The following GDF5 variants were observed in gnomAD, a reference collection of about 807,000 sequenced individuals.
The protein encoded by GDF5 is growth/differentiation factor 5.
A neutral mutation model predicts 34.6 loss-of-function variants in GDF5; 17 were observed. The observed-to-expected ratio is 0.49, with a 90% CI of 0.34 to 0.74. The LOEUF is 0.74. GDF5 is among the 30% of genes least tolerant of loss of function. The pLI is 0.01. For synonymous variants in GDF5, 332 were observed against 290.7 expected (o/e 1.14, Z -1.44); for missense variants, 616 against 661.2 (o/e 0.93, Z 0.75).
chr20:35,433,866 G>A lies in GDF5; in HGVS notation c.*43C>T. Reference sequence around the variant, plus strand: ...TGTGATTCCAGGAGTGCAGGAAGGGGCTCTTGGGATGTGCCACCCAGGAAG... The same window carrying A: ...TGTGATTCCAGGAGTGCAGGAAGGGACTCTTGGGATGTGCCACCCAGGAAG... On this transcript the variant is annotated 3_prime_UTR_variant, in exon 2 of 2. Transcript: ENST00000374369. The A allele has an allele frequency of 6.5e-7, 1 of 1,540,550 alleles. No homozygotes were observed. The highest frequency in any genetic ancestry group is 1.1e-5 in the South Asian group (1 of 89,304).
intron 1 of GDF5, among the ~76,000 whole-genome samples, chr20:35,448,279 T>C (rs2062519850): frequency 6.6e-6 from 1 of 151,598 alleles, no homozygotes; most frequent in Non-Finnish European, 1.5e-5. Context: ...GTTATCCCCA[T>C]ATTGCAGCTG....
At chr20:35,436,725 AAGG>A (rs1161474714) in intron 1 of GDF5, among the ~76,000 whole-genome samples, 3 of 152,116 alleles carry the variant, frequency 2.0e-5, no homozygotes, top group Non-Finnish European at 4.4e-5. Flanking sequence ...CCCAAGTGAG[AAGG>A]AGCTTTCCCA....
upstream of GDF5, among the ~76,000 whole-genome samples, chr20:35,439,883 A>G (rs2062492015): frequency 6.7e-6 from 1 of 149,434 alleles, no homozygotes; most frequent in African/African-American, 2.5e-5. Context: ...GGCGGGGGAG[A>G]AGCAATAGTC....
chr20:35,442,403 T>G (rs192073484), upstream of GDF5, among the ~76,000 whole-genome samples: 4 of 152,128 alleles, frequency 2.6e-5, 1 homozygote, highest in African/African-American at 4.8e-5. Flanking sequence ...AAAAGCATTT[T>G]GTAAGCTCAG....
chr20:35,439,016 A>G (rs2062488319), upstream of GDF5, among the ~76,000 whole-genome samples: 1 of 151,222 alleles, frequency 6.6e-6, no homozygotes, highest in Admixed American at 6.6e-5. Context: ...TGCCCACTAC[A>G]CCCCCTCCCT....
intron 1 of GDF5, among the ~76,000 whole-genome samples, chr20:35,451,060 A>ATAT (rs1176097235): frequency 1.5e-5 from 1 of 68,932 alleles, no homozygotes; most frequent in African/African-American, 7.4e-5. Flanking sequence ...AAAAAAAAAA[A>ATAT]AAAAATATAT....
Position 35,433,881 on chromosome 20 carries a change from C to T in GDF5, c.*28G>A, listed in dbSNP as rs199848946. The T allele has an allele frequency of 1.4e-5, 22 of 1,598,202 alleles. No homozygotes were observed. The highest frequency in any genetic ancestry group is 1.8e-5 in the Non-Finnish European group (21 of 1,165,682). On this transcript the variant is annotated 3_prime_UTR_variant, in exon 2 of 2. Coordinates refer to ENST00000374369, the MANE Select transcript of GDF5 (RefSeq NM_000557.5). ...GCAGGAAGGGGCTCTTGGGATGTGC[C>T]ACCCAGGAAGACAGAGGGCCAGTGC...
rs2062455122 is a variant in GDF5 at position 35,433,955 on chromosome 20, T to C, written c.1460A>G (p.Tyr487Cys). 4 of 1,614,084 alleles carry C rather than the reference T, an allele frequency of 2.5e-6. No homozygotes were observed. The highest frequency in any genetic ancestry group is 1.6e-4 in the Middle Eastern group (1 of 6,062). Residue 487 changes from tyrosine (Y) to cysteine (C), a missense_variant, in exon 2 of 2, where the codon TAT becomes TGT. By Grantham distance (194) the Tyr-to-Cys change is radical (BLOSUM62 -2). Transcript: ENST00000374369. ...CACGACCATGTCCTCATACTGCTTATACACCACGTTGTTGGCAGAGTCAAT... is the reference window on the plus strand; with the variant it reads ...CACGACCATGTCCTCATACTGCTTACACACCACGTTGTTGGCAGAGTCAAT... ...LFIDSANNVV[Y>C]KQYEDMVVES...
intron 1 of GDF5, chr20:35,435,203 C>A: frequency 2.5e-6 from 1 of 393,510 alleles, no homozygotes; most frequent in Non-Finnish European, 4.8e-6. Context: ...GCAATCCCAG[C>A]ACTTTGGGAG....
rs1271554433 is a variant in GDF5 at position 35,448,414 on chromosome 20, AT to A, written c.-398+6225del. Among the ~76,000 whole-genome samples the A allele has an allele frequency of 1.8e-3, 199 of 110,412 alleles. 1 individual carries two copies. The highest frequency in any genetic ancestry group is 5.2e-3 in the South Asian group (19 of 3,628). The allele number at this position is 110,412 out of a possible 152,430, so 72.4% of individuals were successfully genotyped here. ...GTTTTTTTCAAAAAAAAAAAAAAAA[AT>A]ATATATATATATATAGTTAAGGGCC... On this transcript the variant is annotated intron_variant, in intron 1 of 3. Coordinates refer to the GDF5 transcript ENST00000374372.
At chr20:35,434,907 T>A (rs1237398502) in intron 1 of GDF5, 124 bp from the exon 2 acceptor site, 1 of 1,040,100 alleles carries the variant, frequency 9.6e-7, no homozygotes, top group South Asian at 1.3e-5. Context: ...TCTGCCCCAT[T>A]CTGACAGAAG....
At chr20:35,453,020 C>A (rs1037690658) in intron 1 of GDF5, among the ~76,000 whole-genome samples, 1 of 152,012 alleles carries the variant, frequency 6.6e-6, no homozygotes, top group Non-Finnish European at 1.5e-5. Context: ...GAGGCTGAGG[C>A]GGGCGGATCA....
intron 1 of GDF5, among the ~76,000 whole-genome samples, chr20:35,447,559 A>C (rs1302956193): frequency 6.6e-6 from 1 of 152,174 alleles, no homozygotes; most frequent in Non-Finnish European, 1.5e-5. Context: ...GGTGTGAATA[A>C]AATAACCACA....
At chr20:35,442,580 T>G (rs1019908868), upstream of GDF5, among the ~76,000 whole-genome samples, 11 of 132,032 alleles carry the variant, frequency 8.3e-5, no homozygotes, top group African/African-American at 2.8e-4. Context: ...GCTCTGTCAC[T>G]TAGGCTAGAG....
chr20:35,434,608 G>A lies in GDF5; in HGVS notation c.807C>T (p.Pro269=). The change falls in exon 2 of 2, where the codon CCC becomes CCT. Residue 269 remains proline (P), a synonymous_variant. Coordinates refer to ENST00000374369, the MANE Select transcript of GDF5 (RefSeq NM_000557.5). ...RAAQLKLSSC[P]SGRQPAALLD... ...GCAAGGCGGCCGGCTGCCGGCCGCT[G>A]GGGCAGCTGGACAGCTTCAGCTGGG... 1 of 1,594,552 alleles carries A rather than the reference G, an allele frequency of 6.3e-7. No homozygotes were observed. The highest frequency in any genetic ancestry group is 8.6e-7 in the Non-Finnish European group (1 of 1,168,492).
At position 35,434,226 on chromosome 20, in the gene GDF5, T is replaced by C. The variant is rs1247882090; in HGVS notation, c.1189A>G (p.Lys397Glu). 1.9e-6 allele frequency: 3 copies of C among 1,614,182 alleles called. No homozygotes were observed. The highest frequency in any genetic ancestry group is 2.7e-5 in the African/African-American group (2 of 75,054). Reference protein sequence around the residue: ...RQGKRPSKNLKARCSRKALHV... With the variant: ...RQGKRPSKNLEARCSRKALHV... The stretch of plus-strand genomic sequence containing the variant: ...AGTGCCTTCCGACTGCAGCGAGCCT[T>C]AAGGTTCTTGCTGGGTCGCTTGCCC... The change falls in exon 2 of 2, where the codon AAG becomes GAG. Residue 397 changes from lysine to glutamate, a missense_variant. By Grantham distance (56) the Lys-to-Glu change is moderately conservative. Transcript: ENST00000374369.
rs754587274 is a variant in GDF5 at position 35,437,655 on chromosome 20, C to T, written c.274G>A (p.Asp92Asn). 4 of 1,614,110 alleles carry T rather than the reference C, an allele frequency of 2.5e-6. No homozygotes were observed. The highest frequency in any genetic ancestry group is 2.2e-5 in the East Asian group (1 of 44,870). Residue 92 changes from aspartate (D) to asparagine (N), a missense_variant, in exon 1 of 2, where the codon GAT (aspartate) becomes AAT (asparagine). Transcript: ENST00000374369. ...QTGGLTQPKKDEPKKLPPRPG... is the reference protein window; with the variant it reads ...QTGGLTQPKKNEPKKLPPRPG... ...CTGGGGGGCAGCTTTTTGGGTTCATCCTTCTTGGGCTGTGTCAGGCCTCCT... is the reference window on the plus strand; with the variant it reads ...CTGGGGGGCAGCTTTTTGGGTTCATTCTTCTTGGGCTGTGTCAGGCCTCCT...
chr20:35,448,413 A>AAAAATAT (rs1236837477), intron 1 of GDF5, among the ~76,000 whole-genome samples: 2 of 96,478 alleles, frequency 2.1e-5, no homozygotes, highest in African/African-American at 8.1e-5. Context: ...AAAAAAAAAA[A>AAAAATAT]ATATATATAT....
At chr20:35,438,327 CT>C (rs1319587475), upstream of GDF5, 1 of 267,418 alleles carries the variant, frequency 3.7e-6, no homozygotes, top group Non-Finnish European at 7.3e-6. Context: ...TTTTTTCCCC[CT>C]AGTTTTGAAT....
Sources: gnomAD v4.1 joint callset for allele counts (sites outside exome capture counted in the v4.1 genomes callset) on GRCh38, gnomAD v4.1.1 for gene constraint, MANE v1.5 for transcripts, NCBI Gene and HGNC (gene_info 2026-07-23, HGNC 2026-07-21) for gene names.